Variants in COL15A1 observed in about 807,000 individuals in gnomAD.
COL15A1 encodes collagen alpha-1(XV) chain.
A neutral mutation model predicts 165.9 loss-of-function variants in COL15A1; 111 were observed. That is an observed-to-expected ratio of 0.67 (90% CI 0.57 to 0.78). COL15A1 has a LOEUF of 0.78. Among genes scored for constraint, COL15A1 ranks in the 30% least tolerant of loss-of-function variants. The pLI is 0.00. For synonymous variants in COL15A1, 659 were observed against 674.8 expected (o/e 0.98, Z 0.36); for missense variants, 1,745 against 1,789.7 (o/e 0.98, Z 0.45).
At chr9:98,975,561 A>G (rs970112485) in intron 2 of COL15A1, among the ~76,000 whole-genome samples, 1 of 152,170 alleles carries the variant, frequency 6.6e-6, no homozygotes, top group African/African-American at 2.4e-5. Context: ...CATGGCTGGG[A>G]TTCTGCCTGG....
intron 9 of COL15A1, among the ~76,000 whole-genome samples, chr9:99,010,771 A>T (rs913544790): frequency 3.9e-5 from 6 of 152,090 alleles, no homozygotes; most frequent in Admixed American, 6.6e-5. Context: ...AACCTTAATT[A>T]AAAAAAATAT....
chr9:99,021,197 C>G, intron 12 of COL15A1, among the ~76,000 whole-genome samples: 1 of 152,208 alleles, frequency 6.6e-6, no homozygotes, highest in Admixed American at 6.5e-5. Context: ...TGTCTCACCT[C>G]CCTCTGGGCT....
chr9:98,986,532 G>A (rs931875338), intron 3 of COL15A1: 1 of 160,636 alleles, frequency 6.2e-6, no homozygotes, highest in Non-Finnish European at 1.4e-5. Flanking sequence ...TTTCTGAAAA[G>A]GTGGGATACA....
intron 6 of COL15A1, among the ~76,000 whole-genome samples, chr9:98,999,859 T>G (rs1056201855): frequency 4.9e-5 from 3 of 61,580 alleles, no homozygotes; most frequent in African/African-American, 1.9e-4. Context: ...CCATTTGCGT[T>G]TTTTTTTTTT....
chr9:99,060,346 C>T (rs1011294817), intron 36 of COL15A1, among the ~76,000 whole-genome samples: 3 of 150,650 alleles, frequency 2.0e-5, no homozygotes, highest in African/African-American at 7.3e-5. Flanking sequence ...ACTGCAGCCT[C>T]AACCTCCCTG....
chr9:98,969,999 G>T (rs896890003), intron 2 of COL15A1, among the ~76,000 whole-genome samples: 1 of 149,862 alleles, frequency 6.7e-6, no homozygotes, highest in African/African-American at 2.5e-5. Flanking sequence ...ACCTGAACCA[G>T]CTCAATCAAC....
chr9:98,961,407 G>A (rs1426817313), intron 2 of COL15A1, among the ~76,000 whole-genome samples: 1 of 152,194 alleles, frequency 6.6e-6, no homozygotes, highest in African/African-American at 2.4e-5. Flanking sequence ...GGTGTCAGGA[G>A]AGTCTCCCCA....
chr9:98,980,431 T>G (rs1838218513), intron 2 of COL15A1, among the ~76,000 whole-genome samples: 1 of 152,160 alleles, frequency 6.6e-6, no homozygotes, highest in Admixed American at 6.5e-5. Flanking sequence ...GCAGGAGTCA[T>G]TCAGTGAAAA....
At chr9:99,010,403 G>A (rs1838831993) in intron 9 of COL15A1, among the ~76,000 whole-genome samples, 2 of 152,198 alleles carry the variant, frequency 1.3e-5, no homozygotes, top group Non-Finnish European at 2.9e-5. Flanking sequence ...AGGGGTCAGG[G>A]GAAACTTGCC....
At chr9:98,968,977 G>A (rs983732020) in intron 2 of COL15A1, among the ~76,000 whole-genome samples, 21 of 152,244 alleles carry the variant, frequency 1.4e-4, no homozygotes, top group African/African-American at 4.3e-4. Context: ...AGAAAAAAAC[G>A]CCAATCCCAG....
chr9:99,069,683 G>A lies in COL15A1; in HGVS notation c.3964G>A (p.Val1322Ile), dbSNP rs767768881. Residue 1322 changes from valine to isoleucine, a missense_variant, in exon 42 of 42, where the codon GTC (valine) becomes ATC (isoleucine). Coordinates refer to ENST00000375001, the MANE Select transcript of COL15A1 (RefSeq NM_001855.5). ...AAAATTACTTTATAGGCCCCAGAAA[G>A]TCATTTGGCATGGCTCCAGCCCCCA... ...IMTDPSWPQK[V>I]IWHGSSPHGV... 1 of 1,599,272 alleles carries A rather than the reference G, an allele frequency of 6.3e-7. No homozygotes were observed. Among genetic ancestry groups the A allele is most frequent in the Non-Finnish European group, 8.6e-7 (1 of 1,168,460 alleles).
intron 11 of COL15A1, among the ~76,000 whole-genome samples, chr9:99,017,534 T>C (rs1838956932): frequency 6.6e-6 from 1 of 152,136 alleles, no homozygotes; most frequent in African/African-American, 2.4e-5. Flanking sequence ...GGTTTTTAAC[T>C]CTGGTCACGC....
chr9:98,997,990 G>T (rs1838578443), intron 6 of COL15A1: 1 of 152,182 alleles, frequency 6.6e-6, no homozygotes, highest in Non-Finnish European at 1.5e-5. Context: ...ATACAGCCCT[G>T]ACACTGGTGA....
chr9:98,960,696 C>T (rs1837851160), intron 2 of COL15A1, among the ~76,000 whole-genome samples: 1 of 152,206 alleles, frequency 6.6e-6, no homozygotes, highest in Non-Finnish European at 1.5e-5. Context: ...ACCTCAGTTT[C>T]CTCATCTGTA....
At chr9:98,950,584 C>CTTCT (rs1238032363) in intron 2 of COL15A1, among the ~76,000 whole-genome samples, 1 of 128,394 alleles carries the variant, frequency 7.8e-6, no homozygotes, top group African/African-American at 3.0e-5. Flanking sequence ...TCCTTCCTTC[C>CTTCT]TTCCTTCCTC....
Position 99,016,022 on chromosome 9 carries a change from C to T in COL15A1, c.1550C>T (p.Pro517Leu). 6.2e-7 allele frequency: 1 copy of T among 1,614,064 alleles called. No individual in the cohort carries two copies. Among genetic ancestry groups the T allele is most frequent in the Non-Finnish European group, 8.5e-7 (1 of 1,179,980 alleles). The change falls in exon 11 of 42, where the codon CCC becomes CTC. Residue 517 changes from proline to leucine, a missense_variant. Coordinates refer to ENST00000375001, the MANE Select transcript of COL15A1 (RefSeq NM_001855.5). ...EDLAAATTEEPLITAGGEESG... is the reference protein window; with the variant it reads ...EDLAAATTEELLITAGGEESG... ...TTGGCAGCAGCCACAACAGAGGAGC[C>T]CCTCATCACAGCTGGGGGTGAAGAG...
At chr9:99,005,469 C>T (rs1469630536) in intron 9 of COL15A1, among the ~76,000 whole-genome samples, 1 of 152,154 alleles carries the variant, frequency 6.6e-6, no homozygotes, top group African/African-American at 2.4e-5. Context: ...CACTGTCCAG[C>T]TCCTGAAGGC....
At chr9:99,065,776 G>A (rs1158987653) in intron 39 of COL15A1, among the ~76,000 whole-genome samples, 1 of 151,148 alleles carries the variant, frequency 6.6e-6, no homozygotes, top group Non-Finnish European at 1.5e-5. Context: ...GGTGGTGAAT[G>A]GAGAAAAATA....
At chr9:98,976,524 G>A (rs1452850690) in intron 2 of COL15A1, among the ~76,000 whole-genome samples, 4 of 152,276 alleles carry the variant, frequency 2.6e-5, no homozygotes, top group South Asian at 2.1e-4. Context: ...ATCCAGCATC[G>A]TGGAGATGGG....
Sources: allele counts gnomAD v4.1 joint callset (sites outside exome capture counted in the v4.1 genomes callset), GRCh38; gene constraint gnomAD v4.1.1; transcripts MANE v1.5; gene names NCBI Gene and HGNC (gene_info 2026-07-23, HGNC 2026-07-21).